Variants in PLCE1 observed in about 807,000 individuals in gnomAD.
The protein encoded by PLCE1 is 1-phosphatidylinositol 4,5-bisphosphate phosphodiesterase epsilon-1.
In PLCE1, 119 loss-of-function variants were observed where a neutral mutation model predicts 242.8. The ratio of observed to expected loss-of-function variants is 0.49; its 90% CI spans 0.42 to 0.57. The LOEUF is 0.57. Among genes scored for constraint, PLCE1 ranks in the 20% least tolerant of loss-of-function variants. The pLI is 0.00. For missense variants in PLCE1, 2,441 were observed against 2,788.8 expected, an observed-to-expected ratio of 0.88 and a Z score of 2.81; for synonymous variants, 945 against 1,017.4, an observed-to-expected ratio of 0.93 and a Z score of 1.35.
chr10:94,227,692 TTTGCCAAGCCAA>T (rs1424651402), intron 5 of PLCE1, among the ~76,000 whole-genome samples: 2 of 152,218 alleles, frequency 1.3e-5, no homozygotes, highest in Non-Finnish European at 2.9e-5. Flanking sequence ...TCCTGTGTTC[TTTGCCAAGCCAA>T]GTGAAATTAC....
intron 20 of PLCE1, chr10:94,283,449 C>A (rs1025809150): frequency 3.3e-6 from 1 of 303,960 alleles, no homozygotes; most frequent in East Asian, 8.7e-5. Context: ...CTTCTTGACA[C>A]GGGGTATCTT....
intron 4 of PLCE1, among the ~76,000 whole-genome samples, chr10:94,204,463 T>C (rs1292212565): frequency 6.6e-6 from 1 of 151,828 alleles, no homozygotes; most frequent in African/African-American, 2.4e-5. Context: ...GGTCAGGAGT[T>C]CAAGATCATC....
At chr10:94,304,738 A>G in intron 25 of PLCE1, 93 bp downstream of exon 25, 2 of 1,257,160 alleles carry the variant, frequency 1.6e-6, no homozygotes, top group Non-Finnish European at 2.3e-6. Context: ...GAAAGCTGTC[A>G]TGTCACAATT....
intron 3 of PLCE1, among the ~76,000 whole-genome samples, chr10:94,165,653 G>A (rs2047776664): frequency 6.6e-6 from 1 of 151,952 alleles, no homozygotes; most frequent in Admixed American, 6.5e-5. Context: ...GCTGAACCAG[G>A]TTTTTGAGCA....
chr10:94,214,525 C>T (rs527742459), intron 4 of PLCE1, among the ~76,000 whole-genome samples: 128 of 152,248 alleles, frequency 8.4e-4, no homozygotes, highest in Middle Eastern at 3.4e-3. Context: ...TCCAGTGGGG[C>T]CAGGATGAAT....
chr10:94,246,383 T>G lies in PLCE1; in HGVS notation c.2858T>G (p.Ile953Arg). The G allele has an allele frequency of 6.2e-7, 1 of 1,613,776 alleles. No homozygotes were observed. Among genetic ancestry groups the G allele is most frequent in the Non-Finnish European group, 8.5e-7 (1 of 1,179,604 alleles). The change falls in exon 8 of 33, where the codon ATA becomes AGA. Residue 953 changes from isoleucine to arginine, a missense_variant. This residue lies in a region of PLCE1 where 733 missense variants were observed against 754.2 expected (regional missense o/e 0.97). Coordinates refer to ENST00000371380, the MANE Select transcript of PLCE1 (RefSeq NM_016341.4). The stretch of plus-strand genomic sequence containing the variant: ...TACATGGGCCACCCTGGCATTGATA[T>G]ACACACTGTGTGTGTTCAGAACAAA... ...AVYMGHPGID[I>R]HTVCVQNKLG...
At chr10:94,173,569 T>G (rs2048045793) in intron 4 of PLCE1, among the ~76,000 whole-genome samples, 1 of 152,224 alleles carries the variant, frequency 6.6e-6, no homozygotes, top group Non-Finnish European at 1.5e-5. Context: ...AACTTAAAAG[T>G]GAATTGCCAA....
chr10:94,312,648 A>G (rs890948966), intron 27 of PLCE1, among the ~76,000 whole-genome samples: 5 of 152,148 alleles, frequency 3.3e-5, no homozygotes, highest in Non-Finnish European at 7.4e-5. Flanking sequence ...CCCTCTAGCT[A>G]TCTCATTCAA....
At chr10:94,325,768 C>A (rs1289244978) in intron 32 of PLCE1, 1 of 152,170 alleles carries the variant, frequency 6.6e-6, no homozygotes, top group African/African-American at 2.4e-5. Context: ...GTATTAATAG[C>A]TGACAGAAAC....
chr10:94,138,827 G>T, intron 3 of PLCE1: 1 of 194,164 alleles, frequency 5.2e-6, no homozygotes. Context: ...CACTAATGAT[G>T]CCTGGAAAAG....
At chr10:93,998,462 G>A (rs2060871405) in intron 1 of PLCE1, among the ~76,000 whole-genome samples, 1 of 152,122 alleles carries the variant, frequency 6.6e-6, no homozygotes, top group African/African-American at 2.4e-5. Context: ...TATAGAGCCT[G>A]GACACTCTAT....
chr10:94,233,938 A>T, intron 5 of PLCE1, 116 bp from the exon 6 acceptor site: 1 of 912,068 alleles, frequency 1.1e-6, no homozygotes, highest in South Asian at 1.5e-5. Context: ...ACAGAGTGAG[A>T]CTCCACCTAA....
At chr10:94,274,011 G>A (rs1171413069) in intron 19 of PLCE1, among the ~76,000 whole-genome samples, 1 of 152,158 alleles carries the variant, frequency 6.6e-6, no homozygotes, top group Non-Finnish European at 1.5e-5. Flanking sequence ...CTGAGCTTAG[G>A]GGGTTGTTCA....
At chr10:94,292,447 A>G (rs1179979096) in intron 22 of PLCE1, among the ~76,000 whole-genome samples, 1 of 152,236 alleles carries the variant, frequency 6.6e-6, no homozygotes, top group African/African-American at 2.4e-5. Flanking sequence ...ATCCGAAGAA[A>G]TCTGAAATCT....
At chr10:94,300,378 G>A (rs995256629) in intron 24 of PLCE1, among the ~76,000 whole-genome samples, 1 of 152,232 alleles carries the variant, frequency 6.6e-6, no homozygotes, top group Non-Finnish European at 1.5e-5. Flanking sequence ...GGGATTGAGA[G>A]TACGTCTTTA....
chr10:94,093,934 CTTTTT>C (rs398046178), intron 2 of PLCE1, among the ~76,000 whole-genome samples: 8 of 79,192 alleles, frequency 1.0e-4, no homozygotes, highest in South Asian at 5.3e-4. Flanking sequence ...ATCGGTATTT[CTTTTT>C]TTTTTTTTTT....
intron 2 of PLCE1, among the ~76,000 whole-genome samples, chr10:94,093,987 G>A (rs951387937): frequency 5.6e-5 from 7 of 125,034 alleles, no homozygotes; most frequent in African/African-American, 2.4e-4. Context: ...TGTCGCCCAG[G>A]CTGGAGTGCA....
chr10:94,004,960 AGT>A lies in PLCE1; in HGVS notation c.-365+10704_-365+10705del, dbSNP rs1401982818. Among the ~76,000 whole-genome samples, 4 of 152,214 alleles carry A rather than the reference AGT, an allele frequency of 2.6e-5. No homozygotes were observed. The East Asian group carries it at 7.7e-4, about 29-fold the overall frequency. On this transcript the variant is annotated intron_variant, in intron 1 of 32. Coordinates refer to ENST00000371380, the MANE Select transcript of PLCE1 (RefSeq NM_016341.4). ...TGGAAGGATAGAACAAAGCATTATA[AGT>A]GAGGAATCATTTGTAAGTTGTAAAT...
intron 29 of PLCE1, among the ~76,000 whole-genome samples, chr10:94,317,483 CAGTTTTAGCTAATAGA>C (rs1328066829): frequency 1.3e-5 from 2 of 152,124 alleles, no homozygotes; most frequent in African/African-American, 2.4e-5. Flanking sequence ...GACTGACTTC[CAGTTTTAGCTAATAGA>C]AGTTTTAGCT....
Sources: allele counts gnomAD v4.1 joint callset (sites outside exome capture counted in the v4.1 genomes callset), GRCh38; gene constraint gnomAD v4.1.1; regional missense constraint gnomAD v4.1.1; transcripts MANE v1.5; gene names NCBI Gene and HGNC (gene_info 2026-07-23, HGNC 2026-07-21).